MAGI2: variants seen among roughly 807,000 people sequenced by gnomAD.
The protein encoded by MAGI2 is membrane-associated guanylate kinase, WW and PDZ domain-containing protein 2.
A neutral mutation model predicts 133.3 loss-of-function variants in MAGI2; 35 were observed. The ratio of observed to expected loss-of-function variants is 0.26; its 90% confidence interval spans 0.20 to 0.35. The LOEUF (loss-of-function observed/expected upper bound fraction) is 0.35, where lower values mean the gene tolerates loss of function less well. MAGI2 is among the 10% of genes least tolerant of loss of function. MAGI2 has a pLI of 1.00. For synonymous variants in MAGI2, 729 were observed against 710.6 expected, an observed-to-expected ratio of 1.03 and a Z score of -0.41; for missense variants, 1,636 against 1,863.4, an observed-to-expected ratio of 0.88 and a Z score of 2.25.
chr7:78,222,974 C>T (rs1260307873), intron 10 of MAGI2, among the ~76,000 whole-genome samples: 1 of 152,078 alleles, frequency 6.6e-6, no homozygotes, highest in Non-Finnish European at 1.5e-5. Flanking sequence ...AGAAAATAAA[C>T]AGAAGAAAAA....
At chr7:78,477,783 A>C (rs987236919) in intron 6 of MAGI2, among the ~76,000 whole-genome samples, 15 of 151,936 alleles carry the variant, frequency 9.9e-5, no homozygotes, top group African/African-American at 3.6e-4. Flanking sequence ...AAGCATGTAA[A>C]TTATATGACA....
intron 3 of MAGI2, among the ~76,000 whole-genome samples, chr7:78,560,923 A>G (rs191953908): frequency 3.8e-4 from 58 of 152,326 alleles, no homozygotes; most frequent in African/African-American, 1.4e-3. Flanking sequence ...TTTAGGTTGC[A>G]TCAACCTGGA....
At chr7:78,325,058 T>G (rs1358467908) in intron 9 of MAGI2, among the ~76,000 whole-genome samples, 1 of 152,226 alleles carries the variant, frequency 6.6e-6, no homozygotes, top group Non-Finnish European at 1.5e-5. Flanking sequence ...TTCTCCCATC[T>G]GAGAAACCAA....
At chr7:79,027,956 TA>T (rs1457691911) in intron 1 of MAGI2, among the ~76,000 whole-genome samples, 2 of 151,612 alleles carry the variant, frequency 1.3e-5, no homozygotes, top group Admixed American at 6.6e-5. Flanking sequence ...AACATTACAG[TA>T]AAAAACATAT....
chr7:78,279,997 A>G (rs537366794), intron 9 of MAGI2, among the ~76,000 whole-genome samples: 2 of 152,176 alleles, frequency 1.3e-5, no homozygotes, highest in Non-Finnish European at 2.9e-5. Flanking sequence ...ATGGCAAGCA[A>G]ACCCAGCTTA....
At chr7:78,086,085 G>C (rs555893532) in intron 20 of MAGI2, among the ~76,000 whole-genome samples, 2 of 152,060 alleles carry the variant, frequency 1.3e-5, no homozygotes, top group Non-Finnish European at 2.9e-5. Flanking sequence ...GGAAGTAGTT[G>C]AGCTCTAAAT....
At chr7:78,934,736 C>T (rs987888674) in intron 2 of MAGI2, among the ~76,000 whole-genome samples, 8 of 152,064 alleles carry the variant, frequency 5.3e-5, no homozygotes, top group African/African-American at 1.9e-4. Context: ...TGCAACTATT[C>T]CACAATCTGA....
chr7:78,660,538 T>C (rs1812834239), intron 2 of MAGI2, among the ~76,000 whole-genome samples: 1 of 152,088 alleles, frequency 6.6e-6, no homozygotes, highest in Non-Finnish European at 1.5e-5. Context: ...CACAGAAGAT[T>C]ATGGATTCAA....
intron 1 of MAGI2, among the ~76,000 whole-genome samples, chr7:79,352,372 G>A (rs1528260): frequency 0.15 from 22,694 of 152,210 alleles, 1,800 homozygotes; most frequent in South Asian, 0.25. Flanking sequence ...CTCTCTATTG[G>A]TAGAGTCCAA....
chr7:79,256,848 A>AGT (rs1833724694), intron 1 of MAGI2, among the ~76,000 whole-genome samples: 1 of 152,142 alleles, frequency 6.6e-6, no homozygotes, highest in African/African-American at 2.4e-5. Flanking sequence ...GATCTGTTGA[A>AGT]GTAAAATCCA....
At chr7:78,757,761 A>G (rs1563463133) in intron 2 of MAGI2, among the ~76,000 whole-genome samples, 1 of 152,016 alleles carries the variant, frequency 6.6e-6, no homozygotes, top group Non-Finnish European at 1.5e-5. Flanking sequence ...TATCTCCTCA[A>G]CTATTAAATA....
At chr7:78,922,366 C>CAGAGTGTG (rs1043599695) in intron 2 of MAGI2, among the ~76,000 whole-genome samples, 1 of 151,662 alleles carries the variant, frequency 6.6e-6, no homozygotes, top group Non-Finnish European at 1.5e-5. Flanking sequence ...CAACAGTCCC[C>CAGAGTGTG]AGAGTGTGAT....
chr7:78,529,256 C>G (rs1047838459), intron 3 of MAGI2, among the ~76,000 whole-genome samples: 3 of 152,122 alleles, frequency 2.0e-5, no homozygotes, highest in African/African-American at 7.2e-5. Flanking sequence ...TAGACAGGCA[C>G]AGGATAAATC....
At chr7:79,169,642 T>C (rs1825320644) in intron 1 of MAGI2, among the ~76,000 whole-genome samples, 1 of 146,004 alleles carries the variant, frequency 6.8e-6, no homozygotes, top group South Asian at 2.2e-4. Context: ...TTATGTTTCC[T>C]TATTTTCATA....
Position 79,277,972 on chromosome 7 carries a change from C to T in MAGI2, c.301+175048G>A, listed in dbSNP as rs542885271. 4.8e-4 allele frequency among the ~76,000 whole-genome samples: 73 copies of T among 152,234 alleles called. 1 individual carries two copies. The South Asian group carries it at 6.4e-3, about 13-fold the overall frequency. ...CAGCCCAATCATATTGACCAACCTC[C>T]CCCTAACATCCTCTAGAACTTTTCC... On this transcript the variant is annotated intron_variant, in intron 1 of 21. Coordinates refer to ENST00000354212, the MANE Select transcript of MAGI2 (RefSeq NM_012301.4).
rs78535146 is a variant in MAGI2 at position 79,351,968 on chromosome 7, C to T, written c.301+101052G>A. ...AATTCATTTATTTAAATCAAAATCA[C>T]AATAATTAGCTACACTTTGTTTTTA... On this transcript the variant is annotated intron_variant, in intron 1 of 21. Transcript: ENST00000354212. 86 of 152,298 alleles carry T rather than the reference C, an allele frequency of 5.6e-4. No homozygotes were observed. The East Asian group carries it at 0.016, about 29-fold the overall frequency. 9.4% of individuals were successfully genotyped at this position (152,298 alleles called of 1,614,324 possible).
intron 1 of MAGI2, among the ~76,000 whole-genome samples, chr7:79,007,896 G>T (rs963193211): frequency 8.7e-5 from 13 of 149,996 alleles, no homozygotes; most frequent in Admixed American, 7.3e-4. Context: ...AGAATGTAGG[G>T]TTTTTTTTTC....
rs954226206 is a variant in MAGI2, at chr7:79,401,683, C to T, written c.301+51337G>A. Among the ~76,000 whole-genome samples the T allele has an allele frequency of 2.0e-5, 3 of 152,018 alleles. No individual in the cohort carries two copies. The East Asian group carries it at 5.8e-4, about 29-fold the overall frequency. On this transcript the variant is annotated intron_variant, in intron 1 of 21. Coordinates refer to ENST00000354212, the MANE Select transcript of MAGI2 (RefSeq NM_012301.4). ...TACTATATTGGTACTCTATTATAAA[C>T]ATGGATGATTACTATATTGGTATTC...
At chr7:79,202,941 C>A (rs1330205318) in intron 1 of MAGI2, among the ~76,000 whole-genome samples, 1 of 151,986 alleles carries the variant, frequency 6.6e-6, no homozygotes, top group Non-Finnish European at 1.5e-5. Context: ...TCTTCACTTG[C>A]CTTTCTAATA....
Sources: allele counts gnomAD v4.1 joint callset (sites outside exome capture counted in the v4.1 genomes callset), GRCh38; gene constraint gnomAD v4.1.1; transcripts MANE v1.5; gene names NCBI Gene and HGNC (gene_info 2026-07-23, HGNC 2026-07-21).